The following WWOX variants were observed in gnomAD, a reference collection of about 807,000 sequenced individuals.
WWOX encodes the protein WW domain containing oxidoreductase.
A neutral mutation model predicts 46.2 loss-of-function variants in WWOX; 69 were observed. That is an observed-to-expected ratio of 1.49 (90% CI 1.23 to 1.82). WWOX has a LOEUF of 1.82. WWOX is among the 40% of genes most tolerant of loss of function. The probability of loss-of-function intolerance (pLI) is 0.00; values close to 1 mark genes in which losing one functional copy is unlikely to be tolerated. For synonymous variants in WWOX, 359 were observed against 202.6 expected (o/e 1.77, Z -6.56); for missense variants, 919 against 542.6 (o/e 1.69, Z -6.89).
chr16:78,486,995 C>G (rs897583116), intron 8 of WWOX, among the ~76,000 whole-genome samples: 1 of 152,166 alleles, frequency 6.6e-6, no homozygotes, highest in African/African-American at 2.4e-5. Flanking sequence ...TGAGCTGCTT[C>G]GCATCCTGCT....
At chr16:79,001,796 G>T (rs1286510165) in intron 8 of WWOX, among the ~76,000 whole-genome samples, 1 of 152,160 alleles carries the variant, frequency 6.6e-6, no homozygotes, top group Non-Finnish European at 1.5e-5. Flanking sequence ...CCTCTCTGCA[G>T]TGAACCTCAT....
intron 8 of WWOX, among the ~76,000 whole-genome samples, chr16:78,476,839 T>A (rs908970777): frequency 1.3e-5 from 2 of 152,050 alleles, no homozygotes; most frequent in African/African-American, 4.8e-5. Context: ...AAAGGTTGTT[T>A]TGTTCGTTTT....
intron 7 of WWOX, among the ~76,000 whole-genome samples, chr16:78,427,389 G>C (rs538949555): frequency 6.6e-6 from 1 of 152,132 alleles, no homozygotes; most frequent in Non-Finnish European, 1.5e-5. Context: ...ATGAGAAGTT[G>C]ACTTCTTTGC....
At chr16:78,817,269 C>T (rs1049245138) in intron 8 of WWOX, among the ~76,000 whole-genome samples, 2 of 127,602 alleles carry the variant, frequency 1.6e-5, no homozygotes, top group Non-Finnish European at 3.1e-5. Context: ...CAAAGTATTG[C>T]TTCTTAAGCC....
At chr16:78,505,914 T>C (rs191224087) in intron 8 of WWOX, among the ~76,000 whole-genome samples, 2 of 152,202 alleles carry the variant, frequency 1.3e-5, no homozygotes, top group East Asian at 3.9e-4. Context: ...CAATGTGATT[T>C]GGAGAGAGAA....
chr16:78,728,688 G>A (rs2048893311), intron 8 of WWOX, among the ~76,000 whole-genome samples: 1 of 152,178 alleles, frequency 6.6e-6, no homozygotes, highest in South Asian at 2.1e-4. Flanking sequence ...ACAACCACAG[G>A]TCTACATGAT....
chr16:78,565,244 C>T (rs554471168), intron 8 of WWOX, among the ~76,000 whole-genome samples: 40 of 152,322 alleles, frequency 2.6e-4, no homozygotes, highest in African/African-American at 9.1e-4. Context: ...CAAAAACGTA[C>T]TGGCTTTAAA....
At chr16:78,210,884 C>G (rs1488545633) in intron 5 of WWOX, among the ~76,000 whole-genome samples, 1 of 152,142 alleles carries the variant, frequency 6.6e-6, no homozygotes, top group African/African-American at 2.4e-5. Context: ...GTTAATCTAT[C>G]CTACTACCAA....
chr16:78,903,269 C>T (rs957423183), intron 8 of WWOX, among the ~76,000 whole-genome samples: 2 of 152,170 alleles, frequency 1.3e-5, no homozygotes, highest in African/African-American at 4.8e-5. Context: ...CAATCAGAGG[C>T]TGAAGTGAAG....
intron 6 of WWOX, among the ~76,000 whole-genome samples, chr16:78,401,074 C>A (rs899523189): frequency 2.0e-5 from 3 of 152,326 alleles, no homozygotes; most frequent in Admixed American, 1.3e-4. Flanking sequence ...CCTGCCCCTG[C>A]CTCCCAAAAT....
At chr16:78,315,898 T>A (rs539393650) in intron 5 of WWOX, among the ~76,000 whole-genome samples, 1 of 152,134 alleles carries the variant, frequency 6.6e-6, no homozygotes, top group Non-Finnish European at 1.5e-5. Flanking sequence ...ATTTAACTAC[T>A]CTCCTCGTGT....
chr16:78,435,325 A>G (rs1442326289), intron 8 of WWOX, among the ~76,000 whole-genome samples: 3 of 152,194 alleles, frequency 2.0e-5, no homozygotes, highest in Non-Finnish European at 4.4e-5. Flanking sequence ...ACCAGTGTGC[A>G]GCAGCCTCTG....
intron 8 of WWOX, among the ~76,000 whole-genome samples, chr16:78,760,284 G>T (rs954186301): frequency 6.6e-6 from 1 of 152,166 alleles, no homozygotes; most frequent in Non-Finnish European, 1.5e-5. Context: ...TCGATCCTGT[G>T]ATTCAATTAT....
chr16:78,750,655 C>G (rs1405959006), intron 8 of WWOX, among the ~76,000 whole-genome samples: 1 of 152,004 alleles, frequency 6.6e-6, no homozygotes, highest in Non-Finnish European at 1.5e-5. Context: ...CTAGTCCCCC[C>G]TTTTGAAGTC....
At chr16:79,059,531 C>T (rs989318386) in intron 8 of WWOX, among the ~76,000 whole-genome samples, 1 of 152,134 alleles carries the variant, frequency 6.6e-6, no homozygotes, top group Middle Eastern at 3.2e-3. Context: ...TGCCCTGTTG[C>T]CCTGGCTGGA....
At chr16:78,579,017 A>C (rs2943768) in intron 8 of WWOX, among the ~76,000 whole-genome samples, 38,126 of 152,088 alleles carry the variant, frequency 0.25, 5,145 homozygotes, top group African/African-American at 0.34. Flanking sequence ...TATACATCTT[A>C]GGCATTTTTT....
At chr16:78,954,588 G>C (rs1322898117) in intron 8 of WWOX, among the ~76,000 whole-genome samples, 1 of 152,156 alleles carries the variant, frequency 6.6e-6, no homozygotes, top group African/African-American at 2.4e-5. Flanking sequence ...GCCAGTGCCA[G>C]GGGCTGGAAA....
intron 8 of WWOX, among the ~76,000 whole-genome samples, chr16:78,494,275 A>G (rs1006432347): frequency 2.0e-5 from 3 of 152,174 alleles, no homozygotes; most frequent in African/African-American, 7.2e-5. Context: ...AGAACAGATT[A>G]GCCCCCTATG....
At chr16:78,633,396 C>T (rs534907882) in intron 8 of WWOX, among the ~76,000 whole-genome samples, 2 of 152,194 alleles carry the variant, frequency 1.3e-5, no homozygotes, top group African/African-American at 2.4e-5. Context: ...TTTCATTCAC[C>T]CCTCCCTCTC....
Sources: allele counts gnomAD v4.1 joint callset (sites outside exome capture counted in the v4.1 genomes callset), GRCh38; gene constraint gnomAD v4.1.1; transcripts MANE v1.5; gene names NCBI Gene and HGNC (gene_info 2026-07-23, HGNC 2026-07-21).